GRM8: variants seen among roughly 807,000 people sequenced by gnomAD.
GRM8 encodes glutamate metabotropic receptor 8.
In GRM8, 47 loss-of-function variants were observed where a neutral mutation model predicts 87.2. That is an observed-to-expected ratio of 0.54 (90% CI 0.43 to 0.69). GRM8 has a LOEUF of 0.69. Among genes scored for constraint, GRM8 ranks in the 30% least tolerant of loss-of-function variants. The probability of loss-of-function intolerance (pLI) is 0.00; values close to 1 mark genes in which losing one functional copy is unlikely to be tolerated. For synonymous variants in GRM8, 396 were observed against 404.5 expected (o/e 0.98, Z 0.25); for missense variants, 1,019 against 1,139.2 (o/e 0.89, Z 1.52).
intron 10 of GRM8, chr7:126,445,585 G>T (rs570542171): frequency 6.5e-6 from 1 of 153,352 alleles, no homozygotes; most frequent in East Asian, 1.9e-4. Context: ...GGAAGTCAAG[G>T]GAAGCCCTCA....
chr7:126,967,115 A>G (rs1025674829), intron 3 of GRM8, among the ~76,000 whole-genome samples: 5 of 152,198 alleles, frequency 3.3e-5, no homozygotes, highest in African/African-American at 1.2e-4. Context: ...CATGGGTGAC[A>G]GATGGGTTTC....
rs79059842 is a variant in GRM8, at chr7:126,806,305, C to T, written c.1157-36240G>A. Reference sequence around the variant, plus strand: ...CTTCCTTCCAGTGGGTTCGTGGTCTCGCGGCCTTCAGGAGTGAAGCTGCAG... The same window carrying T: ...CTTCCTTCCAGTGGGTTCGTGGTCTTGCGGCCTTCAGGAGTGAAGCTGCAG... On this transcript the variant is annotated intron_variant, in intron 6 of 10. Coordinates refer to ENST00000339582, the MANE Select transcript of GRM8 (RefSeq NM_000845.3). 3.3e-5 allele frequency among the ~76,000 whole-genome samples: 5 copies of T among 152,282 alleles called. No homozygotes were observed. In the East Asian group the frequency reaches 7.7e-4, roughly 24 times the overall value.
intron 6 of GRM8, among the ~76,000 whole-genome samples, chr7:126,900,343 A>C (rs914195726): frequency 6.6e-6 from 1 of 152,206 alleles, no homozygotes; most frequent in African/African-American, 2.4e-5. Flanking sequence ...ATAGAGGTTT[A>C]ACATCAGCAT....
At chr7:126,722,491 T>A (rs1428930491) in intron 7 of GRM8, among the ~76,000 whole-genome samples, 1 of 152,154 alleles carries the variant, frequency 6.6e-6, no homozygotes, top group African/African-American at 2.4e-5. Context: ...AATCAGCCCT[T>A]CATGGGACTA....
At chr7:127,243,654 TGA>T in intron 1 of GRM8, 139 bp from the exon 2 acceptor site, 3 of 160,190 alleles carry the variant, frequency 1.9e-5, no homozygotes, top group Non-Finnish European at 4.1e-5. Context: ...CCTGTGATTC[TGA>T]ACACCTGGCT....
intron 3 of GRM8, among the ~76,000 whole-genome samples, chr7:127,074,339 A>T (rs1317597376): frequency 6.6e-6 from 1 of 152,144 alleles, no homozygotes; most frequent in African/African-American, 2.4e-5. Context: ...TCCAATTTTC[A>T]TTCACCCATC....
chr7:126,663,308 C>G (rs774629356), intron 7 of GRM8, among the ~76,000 whole-genome samples: 7 of 152,092 alleles, frequency 4.6e-5, no homozygotes, highest in Non-Finnish European at 1.0e-4. Context: ...TAGCATAACC[C>G]GGATACCAAA....
intron 7 of GRM8, among the ~76,000 whole-genome samples, chr7:126,648,977 A>C (rs3808156): frequency 0.31 from 46,717 of 152,108 alleles, 8,047 homozygotes; most frequent in East Asian, 0.43. Flanking sequence ...TGTGAGAAGA[A>C]AGTCTCATGA....
At chr7:126,857,263 A>C (rs985493201) in intron 6 of GRM8, among the ~76,000 whole-genome samples, 7 of 152,142 alleles carry the variant, frequency 4.6e-5, no homozygotes, top group African/African-American at 1.7e-4. Context: ...AAAACCTCTT[A>C]ACCAAATGGT....
At chr7:126,865,445 C>T (rs1047654863) in intron 6 of GRM8, among the ~76,000 whole-genome samples, 19 of 152,180 alleles carry the variant, frequency 1.2e-4, no homozygotes, top group African/African-American at 3.6e-4. Flanking sequence ...ACACAATTCA[C>T]GCATTTAAAA....
chr7:126,666,027 C>A lies in GRM8; in HGVS notation c.1358-56529G>T, dbSNP rs73720730. On this transcript the variant is annotated intron_variant, in intron 7 of 10. Transcript: ENST00000339582. ...ATTTCTTTCTTCATTAGGGCTATTG[C>A]AGTACATGTCATGGGATTTCTGTAG... Among the ~76,000 whole-genome samples the A allele has an allele frequency of 9.0e-3, 1,363 of 152,160 alleles. 15 individuals carry two copies. The highest frequency in any genetic ancestry group is 0.031 in the Middle Eastern group (9 of 294).
At chr7:127,118,531 T>C (rs1056791682) in intron 2 of GRM8, among the ~76,000 whole-genome samples, 3 of 152,258 alleles carry the variant, frequency 2.0e-5, no homozygotes, top group Non-Finnish European at 2.9e-5. Context: ...TATGTGTGTG[T>C]GCGTACACAT....
In GRM8 at chr7:127,106,530, A is replaced by G. The variant is rs17866780; in HGVS notation, c.693T>C (p.Gly231=). 2.5e-3 allele frequency: 4,007 copies of G among 1,613,954 alleles called. 85 individuals carry two copies. In the African/African-American group the frequency reaches 0.046, roughly 19 times the overall value. The change falls in exon 3 of 11, where the codon GGT becomes GGC. Residue 231 remains glycine, a synonymous_variant. Transcript: ENST00000339582. The part of the protein sequence containing the change: ...LASEGNYGES[G]VEAFTQISRE... The stretch of plus-strand genomic sequence containing the variant: ...TCGAGATCTGGGTGAAGGCCTCCAC[A>G]CCGCTCTCACCATAGTTCCCCTCAG...
At chr7:127,037,125 T>G (rs1817918999) in intron 3 of GRM8, among the ~76,000 whole-genome samples, 1 of 152,200 alleles carries the variant, frequency 6.6e-6, no homozygotes, top group Admixed American at 6.5e-5. Flanking sequence ...GAAAATCATT[T>G]TACATGATGG....
intron 6 of GRM8, among the ~76,000 whole-genome samples, chr7:126,774,639 TA>T (rs955781556): frequency 2.6e-5 from 4 of 152,162 alleles, no homozygotes; most frequent in Non-Finnish European, 5.9e-5. Flanking sequence ...AATAAATTCT[TA>T]CTGGTCTAAG....
intron 2 of GRM8, among the ~76,000 whole-genome samples, chr7:127,237,864 T>C (rs1798066532): frequency 1.3e-5 from 2 of 152,240 alleles, no homozygotes; most frequent in African/African-American, 4.8e-5. Context: ...TGTGCTATTT[T>C]TAACTTAGAA....
chr7:126,900,011 C>T (rs1801913803), intron 6 of GRM8, among the ~76,000 whole-genome samples: 1 of 152,180 alleles, frequency 6.6e-6, no homozygotes, highest in African/African-American at 2.4e-5. Flanking sequence ...AGTTCATCTC[C>T]TTCCCCCAAG....
At chr7:127,177,330 T>A (rs1375479485) in intron 2 of GRM8, among the ~76,000 whole-genome samples, 2 of 152,114 alleles carry the variant, frequency 1.3e-5, no homozygotes, top group Admixed American at 1.3e-4. Context: ...ATCCTCCACA[T>A]CAGCTGCAGC....
intron 2 of GRM8, among the ~76,000 whole-genome samples, chr7:127,178,230 T>C (rs1323576515): frequency 6.6e-6 from 1 of 152,094 alleles, no homozygotes; most frequent in East Asian, 1.9e-4. Flanking sequence ...AGCAATATAA[T>C]TGAGCAAGTA....
Sources: allele counts gnomAD v4.1 joint callset (sites outside exome capture counted in the v4.1 genomes callset), GRCh38; gene constraint gnomAD v4.1.1; transcripts MANE v1.5; gene names NCBI Gene and HGNC (gene_info 2026-07-23, HGNC 2026-07-21).